STX7: variants seen among roughly 807,000 people sequenced by gnomAD.
STX7 encodes syntaxin-7.
Under a neutral mutation model 39.6 loss-of-function variants are expected in STX7, and 34 were observed. The observed-to-expected ratio is 0.86, with a 90% confidence interval of 0.65 to 1.14. The LOEUF (loss-of-function observed/expected upper bound fraction) is 1.14, where lower values mean the gene tolerates loss of function less well. Among genes scored for constraint, STX7 ranks in the 50% most tolerant of loss-of-function variants. STX7 has a pLI of 0.00. For missense variants in STX7, 284 were observed against 310.4 expected, an observed-to-expected ratio of 0.92 and a Z score of 0.64; for synonymous variants, 119 against 99.1, an observed-to-expected ratio of 1.20 and a Z score of -1.19.
rs1774369949 is a variant in STX7 at position 132,460,691 on chromosome 6, AC to A, written c.*66del. The A allele has an allele frequency of 1.6e-6, 2 of 1,218,496 alleles. No homozygotes were observed. Among genetic ancestry groups the A allele is most frequent in the Non-Finnish European group, 2.3e-6 (2 of 852,902 alleles). 75.5% of individuals were successfully genotyped at this position (1,218,496 alleles called of 1,614,324 possible). Reference sequence around the variant, plus strand: ...TAGCTTTAAAATAATAATTAAAAAAACATGATTACAGGAATCTTCCTACATA... The same window carrying A: ...TAGCTTTAAAATAATAATTAAAAAAAATGATTACAGGAATCTTCCTACATA... On this transcript the variant is annotated 3_prime_UTR_variant, in exon 10 of 10. Coordinates refer to ENST00000367941, the MANE Select transcript of STX7 (RefSeq NM_003569.3).
rs1196441429 is a variant in STX7, at chr6:132,455,574, T to TA, written c.*5183dup. The TA allele has an allele frequency of 6.6e-6, 1 of 152,194 alleles. No homozygotes were observed. The highest frequency in any genetic ancestry group is 2.4e-5 in the African/African-American group (1 of 41,452). The allele number at this position is 152,194 out of a possible 1,614,324, so 9.4% of individuals were successfully genotyped here. On this transcript the variant is annotated 3_prime_UTR_variant, in exon 10 of 10. Coordinates refer to ENST00000367941, the MANE Select transcript of STX7 (RefSeq NM_003569.3). Reference sequence around the variant, plus strand: ...AAATCTGGTTTTGCCTTCCACCACTTACATTTTAAGCATAAATGCCATCAC... The same window carrying TA: ...AAATCTGGTTTTGCCTTCCACCACTTAACATTTTAAGCATAAATGCCATCAC...
chr6:132,494,685 T>C (rs1020892522), intron 2 of STX7, among the ~76,000 whole-genome samples: 1 of 152,072 alleles, frequency 6.6e-6, no homozygotes, highest in Non-Finnish European at 1.5e-5. Context: ...AGCAGCACCA[T>C]GGGAGAGAGT....
Position 132,498,132 on chromosome 6 carries a change from T to C in STX7, c.85+5314A>G, listed in dbSNP as rs1025156760. Among the ~76,000 whole-genome samples, 6 of 152,338 alleles carry C rather than the reference T, an allele frequency of 3.9e-5. No homozygotes were observed. In the South Asian group the frequency reaches 6.2e-4, roughly 16 times the overall value. ...TGACTGTTACGGAGTCAACGCTTTC[T>C]CTCATAGGATACAAATATTTTCTTA... On this transcript the variant is annotated intron_variant, in intron 2 of 9. Transcript: ENST00000367941.
chr6:132,470,049 T>A lies in STX7; in HGVS notation c.441-2A>T. The A allele has an allele frequency of 1.3e-6, 2 of 1,574,316 alleles. No homozygotes were observed. The highest frequency in any genetic ancestry group is 1.7e-6 in the Non-Finnish European group (2 of 1,168,140). ...ACCTGCACTTGAGGTTGAGTTTGGC[T>A]AACAGAAAAAAATGAATGTGGAAAA... On this transcript the variant is annotated splice_acceptor_variant, in intron 6 of 9. Transcript: ENST00000367941. LOFTEE classifies it high-confidence loss of function.
In STX7 at chr6:132,457,292, A is replaced by G. The variant is rs1309775553; in HGVS notation, c.*3466T>C. On this transcript the variant is annotated 3_prime_UTR_variant, in exon 10 of 10. Coordinates refer to ENST00000367941, the MANE Select transcript of STX7 (RefSeq NM_003569.3). ...AGTTTCCTACCTATCTTGTGACCTC[A>G]GTGAATGAGATGCTGCTTTATCCAA... The G allele has an allele frequency of 2.0e-5, 3 of 152,256 alleles. No individual in the cohort carries two copies. Among genetic ancestry groups the G allele is most frequent in the African/African-American group, 4.8e-5 (2 of 41,468 alleles). The allele number at this position is 152,256 out of a possible 1,614,324, so 9.4% of individuals were successfully genotyped here.
At chr6:132,470,688 TA>T in intron 5 of STX7, 62 bp from the exon 6 acceptor site, 3 of 1,146,234 alleles carry the variant, frequency 2.6e-6, no homozygotes, top group Non-Finnish European at 3.9e-6. Flanking sequence ...TGAGAAAAAA[TA>T]AACACTCATA....
At chr6:132,509,519 T>TAAAATAAAAA (rs1562343818) in intron 1 of STX7, among the ~76,000 whole-genome samples, 1 of 143,104 alleles carries the variant, frequency 7.0e-6, no homozygotes, top group African/African-American at 2.6e-5. Flanking sequence ...TAACATAAAA[T>TAAAATAAAAA]AAAAAAAGAC....
chr6:132,470,081 A>G (rs1052304167), intron 6 of STX7, 34 bp from the exon 7 acceptor site: 4 of 1,496,594 alleles, frequency 2.7e-6, no homozygotes, highest in Non-Finnish European at 3.6e-6. Flanking sequence ...AAAAAAACAA[A>G]GATTGGTATT....
At chr6:132,508,258 T>C (rs1209246715) in intron 1 of STX7, among the ~76,000 whole-genome samples, 1 of 152,190 alleles carries the variant, frequency 6.6e-6, no homozygotes, top group Non-Finnish European at 1.5e-5. Flanking sequence ...AGGACAGTAT[T>C]CTACAGCATT....
rs1774296011 is a variant in STX7, at chr6:132,458,220, C to T, written c.*2538G>A. 1 of 152,194 alleles carries T rather than the reference C, an allele frequency of 6.6e-6. No individual in the cohort carries two copies. The highest frequency in any genetic ancestry group is 1.5e-5 in the Non-Finnish European group (1 of 68,036). 9.4% of individuals were successfully genotyped at this position (152,194 alleles called of 1,614,324 possible). A position where few individuals can be genotyped will look rare whatever the true frequency, so the allele number is the denominator to read the frequency against. ...AGTGCAGTGTCCTTGGTCACCAATG[C>T]AGATGCTACTGGGGCAGCCAGCGGG... On this transcript the variant is annotated 3_prime_UTR_variant, in exon 10 of 10. Transcript: ENST00000367941.
At chr6:132,476,588 G>A (rs1014356409) in intron 2 of STX7, among the ~76,000 whole-genome samples, 2 of 152,214 alleles carry the variant, frequency 1.3e-5, no homozygotes, top group African/African-American at 2.4e-5. Flanking sequence ...AGGGACAACT[G>A]GAGAAATTTG....
intron 2 of STX7, among the ~76,000 whole-genome samples, chr6:132,492,515 C>T (rs2114445242): frequency 6.6e-6 from 1 of 152,306 alleles, no homozygotes; most frequent in Middle Eastern, 3.4e-3. Flanking sequence ...GTCCCTAGCA[C>T]ATCACAGGTG....
intron 1 of STX7, among the ~76,000 whole-genome samples, chr6:132,510,536 T>C (rs889263873): frequency 1.3e-5 from 2 of 152,224 alleles, no homozygotes; most frequent in African/African-American, 4.8e-5. Flanking sequence ...ATTGTAGCTC[T>C]CGTTTTTAAA....
In STX7 at chr6:132,456,783, T is replaced by C. The variant is rs1471542308; in HGVS notation, c.*3975A>G. ...TTCACAATTATGCTAGACTGTCAAC[T>C]CACTTCTCTTTCTAGAATGTCCTCT... On this transcript the variant is annotated 3_prime_UTR_variant, in exon 10 of 10. Coordinates refer to ENST00000367941, the MANE Select transcript of STX7 (RefSeq NM_003569.3). 1.3e-5 allele frequency: 2 copies of C among 152,242 alleles called. No homozygotes were observed. The highest frequency in any genetic ancestry group is 1.9e-4 in the East Asian group (1 of 5,190). 9.4% of individuals were successfully genotyped at this position (152,242 alleles called of 1,614,324 possible).
intron 1 of STX7, among the ~76,000 whole-genome samples, chr6:132,505,728 T>G (rs1400079686): frequency 1.0e-5 from 1 of 96,156 alleles, no homozygotes; most frequent in Admixed American, 1.5e-4. Flanking sequence ...TAAATGCATC[T>G]CCAAGTCACT....
At chr6:132,477,223 C>T (rs140284753) in intron 2 of STX7, among the ~76,000 whole-genome samples, 2 of 151,920 alleles carry the variant, frequency 1.3e-5, no homozygotes, top group African/African-American at 4.8e-5. Context: ...TTTTGTTTGC[C>T]GTGTTTAACT....
chr6:132,478,954 C>T (rs138454513), intron 2 of STX7, among the ~76,000 whole-genome samples: 77 of 152,304 alleles, frequency 5.1e-4, no homozygotes, highest in African/African-American at 1.6e-3. Context: ...CAGGACACTA[C>T]ATTAGTCCAA....
At chr6:132,502,455 A>C (rs1326498465) in intron 2 of STX7, among the ~76,000 whole-genome samples, 1 of 151,848 alleles carries the variant, frequency 6.6e-6, no homozygotes, top group Admixed American at 6.6e-5. Context: ...ATTTACAAAC[A>C]AAAAAAAGTA....
Position 132,460,059 on chromosome 6 carries a change from C to T in STX7, c.*699G>A, listed in dbSNP as rs918793869. 2.6e-5 allele frequency: 4 copies of T among 152,142 alleles called. No homozygotes were observed. The highest frequency in any genetic ancestry group is 4.4e-5 in the Non-Finnish European group (3 of 68,020). The allele number at this position is 152,142 out of a possible 1,614,324, so 9.4% of individuals were successfully genotyped here. ...AAATTATGTTAAACATTTTTAGTAA[C>T]TACACTTTCCCCCGTAAACATCAGA... is the stretch of plus-strand genomic sequence containing the variant. On this transcript the variant is annotated 3_prime_UTR_variant, in exon 10 of 10. Transcript: ENST00000367941.
Sources: gnomAD v4.1 joint callset for allele counts (sites outside exome capture counted in the v4.1 genomes callset) on GRCh38, gnomAD v4.1.1 for gene constraint, MANE v1.5 for transcripts, NCBI Gene and HGNC (gene_info 2026-07-23, HGNC 2026-07-21) for gene names.